Variants in DOCK7 observed in about 807,000 individuals in gnomAD.
The protein encoded by DOCK7 is dedicator of cytokinesis protein 7.
DOCK7 carries 138 observed loss-of-function variants against 271.0 expected under a neutral mutation model. The observed-to-expected ratio is 0.51, with a 90% confidence interval of 0.44 to 0.59. The LOEUF (loss-of-function observed/expected upper bound fraction) is 0.59, where lower values mean the gene tolerates loss of function less well. DOCK7 is among the 20% of genes least tolerant of loss of function. The pLI, the probability that DOCK7 is intolerant of heterozygous loss-of-function variation, is 0.00. For synonymous variants in DOCK7, 823 were observed against 876.1 expected (o/e 0.94, Z 1.07); for missense variants, 2,066 against 2,592.4 (o/e 0.80, Z 4.41).
At chr1:62,533,038 T>C (rs1645226492) in intron 29 of DOCK7, among the ~76,000 whole-genome samples, 1 of 152,194 alleles carries the variant, frequency 6.6e-6, no homozygotes, top group Non-Finnish European at 1.5e-5. Flanking sequence ...CATGATGGTA[T>C]CACTGAGCTG....
intron 14 of DOCK7, among the ~76,000 whole-genome samples, chr1:62,603,160 AC>A (rs1650405728): frequency 6.6e-6 from 1 of 151,700 alleles, no homozygotes; most frequent in South Asian, 2.1e-4. Flanking sequence ...AGTGAGTGTA[AC>A]CCCAAAATAA....
In DOCK7 at chr1:62,506,949, AAAAT is replaced by A. The variant is rs375137004; in HGVS notation, c.4476+1009_4476+1012del. ...GCAACAAGAGCGAAACTCCACCTCA[AAAAT>A]AAATAAATAAATAAATAAATAAATA... On this transcript the variant is annotated intron_variant, in intron 35 of 49. Transcript: ENST00000635253. Among the ~76,000 whole-genome samples, 81 of 138,664 alleles carry A rather than the reference AAAAT, an allele frequency of 5.8e-4. 1 individual carries two copies. Among genetic ancestry groups the A allele is most frequent in the South Asian group, 1.5e-3 (6 of 4,114 alleles). The allele number at this position is 138,664 out of a possible 152,430, so 91.0% of individuals were successfully genotyped here. A position where few individuals can be genotyped will look rare whatever the true frequency, so the allele number is the denominator to read the frequency against.
intron 31 of DOCK7, among the ~76,000 whole-genome samples, chr1:62,522,471 C>T (rs934040655): frequency 4.6e-5 from 7 of 151,760 alleles, no homozygotes; most frequent in Admixed American, 1.3e-4. Flanking sequence ...AAAAAGCATT[C>T]GATAACAATT....
chr1:62,565,644 C>T (rs1317874456), intron 18 of DOCK7, among the ~76,000 whole-genome samples: 3 of 152,168 alleles, frequency 2.0e-5, no homozygotes, highest in Non-Finnish European at 2.9e-5. Flanking sequence ...CCTTTGAAAA[C>T]TGGCACAAGA....
chr1:62,605,624 C>A (rs542076092), intron 14 of DOCK7: 2 of 152,406 alleles, frequency 1.3e-5, no homozygotes, highest in Non-Finnish European at 2.9e-5. Flanking sequence ...TTTGTGGCAT[C>A]GAGTTAAAGT....
intron 12 of DOCK7, 22 bp from the exon 13 acceptor site, chr1:62,620,015 A>C: frequency 6.3e-7 from 1 of 1,586,878 alleles, no homozygotes; most frequent in Non-Finnish European, 8.6e-7. Flanking sequence ...AATAGAGGAA[A>C]AAGTATTTGA....
At chr1:62,663,821 G>C (rs1325974753) in intron 1 of DOCK7, among the ~76,000 whole-genome samples, 1 of 152,056 alleles carries the variant, frequency 6.6e-6, no homozygotes, top group Non-Finnish European at 1.5e-5. Context: ...CATTCTTTAG[G>C]GCTTAAGATA....
chr1:62,665,085 C>T (rs974837654), intron 1 of DOCK7, among the ~76,000 whole-genome samples: 4 of 152,178 alleles, frequency 2.6e-5, no homozygotes, highest in Non-Finnish European at 4.4e-5. Context: ...CTTCCAGGTT[C>T]AAGCGATTCT....
chr1:62,571,183 T>C (rs905676314), intron 18 of DOCK7, among the ~76,000 whole-genome samples: 3 of 152,120 alleles, frequency 2.0e-5, no homozygotes, highest in African/African-American at 7.2e-5. Context: ...ATCCAGAGTC[T>C]ACAAGGAACT....
intron 31 of DOCK7, among the ~76,000 whole-genome samples, chr1:62,522,826 A>G (rs1351027721): frequency 6.6e-6 from 1 of 152,136 alleles, no homozygotes; most frequent in Non-Finnish European, 1.5e-5. Context: ...GGAAATAAAA[A>G]TCATTGTACA....
chr1:62,498,142 G>A (rs546717337), intron 37 of DOCK7, among the ~76,000 whole-genome samples: 1 of 152,012 alleles, frequency 6.6e-6, no homozygotes, highest in East Asian at 1.9e-4. Flanking sequence ...TACTTGGGAG[G>A]CTGAGTGGAA....
chr1:62,684,913 C>T (rs1265402456), intron 1 of DOCK7, among the ~76,000 whole-genome samples: 1 of 152,080 alleles, frequency 6.6e-6, no homozygotes, highest in Non-Finnish European at 1.5e-5. Context: ...AAAATAACTG[C>T]GACAGAAACA....
chr1:62,504,532 CA>C, intron 37 of DOCK7, 97 bp downstream of exon 37: 1 of 1,297,144 alleles, frequency 7.7e-7, no homozygotes, highest in Non-Finnish European at 1.0e-6. Context: ...TAAAAATATA[CA>C]AAAAACTCCA....
intron 1 of DOCK7, among the ~76,000 whole-genome samples, chr1:62,664,639 A>G (rs556300457): frequency 2.0e-5 from 3 of 152,340 alleles, no homozygotes; most frequent in South Asian, 2.1e-4. Flanking sequence ...TGGCTCATCA[A>G]TTATAACAAA....
At chr1:62,512,822 A>C (rs577712017) in intron 33 of DOCK7, among the ~76,000 whole-genome samples, 63 of 152,040 alleles carry the variant, frequency 4.1e-4, no homozygotes, top group Non-Finnish European at 5.7e-4. Flanking sequence ...AAGGTGTAAA[A>C]ATTGCTTGGG....
At chr1:62,610,425 G>C (rs893972849) in intron 14 of DOCK7, among the ~76,000 whole-genome samples, 41 of 152,038 alleles carry the variant, frequency 2.7e-4, no homozygotes, top group African/African-American at 9.6e-4. Flanking sequence ...AGTATTACCA[G>C]TATATAAGAT....
At chr1:62,628,764 G>A (rs1176965497) in intron 11 of DOCK7, 1 of 152,102 alleles carries the variant, frequency 6.6e-6, no homozygotes, top group Non-Finnish European at 1.5e-5. Flanking sequence ...TCACAGACTA[G>A]GAGAAAATTT....
chr1:62,662,242 T>C (rs931307362), intron 2 of DOCK7, among the ~76,000 whole-genome samples: 1 of 152,190 alleles, frequency 6.6e-6, no homozygotes, highest in Non-Finnish European at 1.5e-5. Flanking sequence ...ATTTCTAATA[T>C]AATAAATATT....
At chr1:62,529,910 C>T (rs1319429581) in intron 29 of DOCK7, among the ~76,000 whole-genome samples, 1 of 152,184 alleles carries the variant, frequency 6.6e-6, no homozygotes, top group Non-Finnish European at 1.5e-5. Flanking sequence ...AGCCCACAGG[C>T]TGGGGTTGCC....
Sources: allele counts gnomAD v4.1 joint callset (sites outside exome capture counted in the v4.1 genomes callset), GRCh38; gene constraint gnomAD v4.1.1; transcripts MANE v1.5; gene names NCBI Gene and HGNC (gene_info 2026-07-23, HGNC 2026-07-21).